Variants in PCDHGA2 observed in about 807,000 individuals in gnomAD.
PCDHGA2 encodes protocadherin gamma subfamily A, 2.
A neutral mutation model predicts 59.2 loss-of-function variants in PCDHGA2; 40 were observed. The observed-to-expected ratio is 0.68, with a 90% CI of 0.52 to 0.88. PCDHGA2 has a LOEUF of 0.88. Among genes scored for constraint, PCDHGA2 ranks in the 40% least tolerant of loss-of-function variants. PCDHGA2 has a pLI of 0.00. For missense variants in PCDHGA2, 1,226 were observed against 1,204.0 expected (o/e 1.02, Z -0.27); for synonymous variants, 560 against 526.0 (o/e 1.06, Z -0.89).
intron 1 of PCDHGA2, chr5:141,394,604 C>G: frequency 6.2e-7 from 1 of 1,613,590 alleles, no homozygotes. Context: ...TGGACAGAGA[C>G]TCGGGCCAGA....
chr5:141,360,598 G>C (rs1761668512), intron 1 of PCDHGA2: 1 of 1,613,956 alleles, frequency 6.2e-7, no homozygotes, highest in Non-Finnish European at 8.5e-7. Flanking sequence ...ATTTCCACTT[G>C]ACCCAGCCCT....
intron 1 of PCDHGA2, among the ~76,000 whole-genome samples, chr5:141,380,921 T>G (rs1014548780): frequency 6.6e-6 from 1 of 152,238 alleles, no homozygotes; most frequent in African/African-American, 2.4e-5. Flanking sequence ...CATTGTTTAA[T>G]AATCATACAC....
chr5:141,388,509 C>T, intron 1 of PCDHGA2: 13 of 1,613,810 alleles, frequency 8.1e-6, no homozygotes, highest in Non-Finnish European at 1.1e-5. Flanking sequence ...GAAATCCTAC[C>T]ACTTGACTTT....
intron 2 of PCDHGA2, among the ~76,000 whole-genome samples, chr5:141,496,769 C>T (rs1434587849): frequency 2.0e-5 from 3 of 152,064 alleles, no homozygotes; most frequent in African/African-American, 7.3e-5. Flanking sequence ...CGAGCATCTA[C>T]TATGAGCAGG....
At chr5:141,390,385 C>T in intron 1 of PCDHGA2, 1 of 1,430,580 alleles carries the variant, frequency 7.0e-7, no homozygotes, top group South Asian at 1.3e-5. Flanking sequence ...TTTTAGATGT[C>T]ATGGATCATT....
intron 1 of PCDHGA2, among the ~76,000 whole-genome samples, chr5:141,354,588 A>G (rs1446342747): frequency 6.6e-6 from 1 of 152,214 alleles, no homozygotes; most frequent in Non-Finnish European, 1.5e-5. Flanking sequence ...TTGGGACTAA[A>G]GCCAGACCTC....
chr5:141,428,557 C>T (rs2097147196), intron 1 of PCDHGA2: 2 of 242,520 alleles, frequency 8.2e-6, no homozygotes, highest in Non-Finnish European at 1.6e-5. Context: ...AACAGTCCCC[C>T]CACAAGATCT....
rs543335678 is a variant in PCDHGA2 at position 141,365,777 on chromosome 5, G to A, written c.2424+24382G>A. ...GACAGCCCATGACCCCGACAGCGGC[G>A]ACAACGCTCGAGTCACCTACTCCCT... On this transcript the variant is annotated intron_variant, in intron 1 of 3. Transcript: ENST00000394576. 6.8e-6 allele frequency: 11 copies of A among 1,613,736 alleles called. No homozygotes were observed. In the South Asian group the frequency reaches 9.9e-5, roughly 14 times the overall value.
rs774079222 is a variant in PCDHGA2, at chr5:141,491,314, C to G, written c.2425-3493C>G. On this transcript the variant is annotated intron_variant, in intron 1 of 3. Transcript: ENST00000394576. The surrounding 1 kb of genome is among the most constrained non-coding windows in gnomAD (Gnocchi z 6.9). ...CCCTCCTGAGCGTTCAGACCTTACC[C>G]TTTACCTCATTGTGGCTCTAGCGAC... is the stretch of plus-strand genomic sequence containing the variant. 6 of 1,614,064 alleles carry G rather than the reference C, an allele frequency of 3.7e-6. No individual in the cohort carries two copies. In the South Asian group the frequency reaches 5.5e-5, roughly 15 times the overall value.
chr5:141,367,688 C>G (rs1765290329), intron 1 of PCDHGA2: 1 of 152,096 alleles, frequency 6.6e-6, no homozygotes, highest in Admixed American at 6.5e-5. Flanking sequence ...GAGAAGAAAT[C>G]AGTGTAAAGG....
At chr5:141,469,259 A>G (rs1263722797) in intron 1 of PCDHGA2, among the ~76,000 whole-genome samples, 1 of 151,822 alleles carries the variant, frequency 6.6e-6, no homozygotes, top group Admixed American at 6.6e-5. Flanking sequence ...CTTGGGCAAC[A>G]GAGCAAGACC....
rs754610588 is a variant in PCDHGA2, at chr5:141,384,105, T to C, written c.2424+42710T>C. 31 of 1,601,620 alleles carry C rather than the reference T, an allele frequency of 1.9e-5. No individual in the cohort carries two copies. The East Asian group carries it at 2.5e-4, about 13-fold the overall frequency. ...TAGAAAAATCAATAGATAATTATTA[T>C]AGATTGGTCACAACCAAAAACTTGG... On this transcript the variant is annotated intron_variant, in intron 1 of 3. Transcript: ENST00000394576.
chr5:141,415,098 G>A, intron 1 of PCDHGA2: 5 of 1,613,586 alleles, frequency 3.1e-6, no homozygotes, highest in Non-Finnish European at 4.2e-6. Context: ...ACAGAGACGC[G>A]CTCAAGCAAA....
chr5:141,485,105 G>A lies in PCDHGA2; in HGVS notation c.2425-9702G>A. On this transcript the variant is annotated intron_variant, in intron 1 of 3. Transcript: ENST00000394576. The surrounding 1 kb of genome is among the most constrained non-coding windows in gnomAD (Gnocchi z 5.7). ...AGGGAGATAGGTGTCTCCAGCTGCT[G>A]TGGCTGTTTGGGGCGGGTCGGCTTC... 8.3e-7 allele frequency: 1 copy of A among 1,205,940 alleles called. No individual in the cohort carries two copies. Among genetic ancestry groups the A allele is most frequent in the Non-Finnish European group, 1.2e-6 (1 of 827,784 alleles). The allele number at this position is 1,205,940 out of a possible 1,614,324, so 74.7% of individuals were successfully genotyped here.
intron 1 of PCDHGA2, among the ~76,000 whole-genome samples, chr5:141,362,796 T>C (rs1462578266): frequency 6.6e-6 from 1 of 152,252 alleles, no homozygotes; most frequent in Non-Finnish European, 1.5e-5. Context: ...TTCTTCCTCA[T>C]CTTTACATTA....
At chr5:141,366,037 A>G (rs1276608872) in intron 1 of PCDHGA2, 1 of 1,614,112 alleles carries the variant, frequency 6.2e-7, no homozygotes, top group African/African-American at 1.3e-5. Flanking sequence ...CCCTCCCCAC[A>G]GACGGTTCCA....
At chr5:141,355,218 T>C in intron 1 of PCDHGA2, 1 of 1,604,388 alleles carries the variant, frequency 6.2e-7, no homozygotes, top group Non-Finnish European at 8.5e-7. Flanking sequence ...CGCCTCCTGC[T>C]CGCCCAGACC....
intron 1 of PCDHGA2, among the ~76,000 whole-genome samples, chr5:141,464,261 T>TC (rs2099079163): frequency 1.5e-5 from 2 of 137,096 alleles, no homozygotes; most frequent in African/African-American, 2.9e-5. Flanking sequence ...CGAGACTCCG[T>TC]CTAAAAAAAA....
intron 1 of PCDHGA2, chr5:141,370,497 T>C: frequency 1.2e-6 from 2 of 1,613,956 alleles, no homozygotes; most frequent in Non-Finnish European, 1.7e-6. Context: ...ACCGATCCGC[T>C]ACGCTATTCC....
Sources: gnomAD v4.1 joint callset for allele counts (sites outside exome capture counted in the v4.1 genomes callset) on GRCh38, gnomAD v4.1.1 for gene constraint, Gnocchi (gnomAD v3.1) non-coding constraint, MANE v1.5 for transcripts, NCBI Gene and HGNC (gene_info 2026-07-23, HGNC 2026-07-21) for gene names.